EPC2: variants seen among roughly 807,000 people sequenced by gnomAD.
EPC2 encodes enhancer of polycomb 2, also known as enhancer of polycomb homolog 2.
In EPC2, 14 loss-of-function variants were observed where a neutral mutation model predicts 92.1. The ratio of observed to expected loss-of-function variants is 0.15; its 90% CI spans 0.10 to 0.24. The LOEUF is 0.24. Ranked by LOEUF, EPC2 falls within the 10% of genes least tolerant of loss-of-function variation. The pLI is 1.00. For synonymous variants in EPC2, 340 were observed against 334.7 expected, an observed-to-expected ratio of 1.02 and a Z score of -0.17; for missense variants, 755 against 971.5, an observed-to-expected ratio of 0.78 and a Z score of 2.96.
chr2:148,717,854 C>T (rs1265158331), intron 2 of EPC2, among the ~76,000 whole-genome samples: 2 of 152,114 alleles, frequency 1.3e-5, no homozygotes, highest in Non-Finnish European at 2.9e-5. Context: ...GTGTTAAAGT[C>T]TCCCACTATT....
At chr2:148,776,371 A>G (rs932809289) in intron 10 of EPC2, among the ~76,000 whole-genome samples, 11 of 152,188 alleles carry the variant, frequency 7.2e-5, no homozygotes, top group Admixed American at 4.6e-4. Context: ...AGAAGTTTAA[A>G]TGGATTTTTA....
At chr2:148,730,862 A>G (rs149021144) in intron 2 of EPC2, among the ~76,000 whole-genome samples, 1 of 152,356 alleles carries the variant, frequency 6.6e-6, no homozygotes, top group African/African-American at 2.4e-5. Context: ...CTTGTAAACT[A>G]TTCAACCCTG....
chr2:148,671,340 A>G (rs112423754), intron 1 of EPC2, among the ~76,000 whole-genome samples: 1 of 140,870 alleles, frequency 7.1e-6, no homozygotes, highest in East Asian at 2.1e-4. Flanking sequence ...TTGGCTGGGC[A>G]TGATGGCTCA....
intron 1 of EPC2, among the ~76,000 whole-genome samples, chr2:148,677,815 G>C (rs757208738): frequency 6.6e-6 from 1 of 152,084 alleles, no homozygotes; most frequent in Non-Finnish European, 1.5e-5. Flanking sequence ...CGCATCTGGA[G>C]TTGTTTGTTC....
In EPC2 at chr2:148,744,996, C is replaced by CG. The variant is rs1475573511; in HGVS notation, c.459+1229_459+1230insG. Among the ~76,000 whole-genome samples the CG allele has an allele frequency of 6.3e-4, 77 of 122,352 alleles. 8 individuals are homozygous for CG. The highest frequency in any genetic ancestry group is 1.8e-3 in the African/African-American group (67 of 36,802). The allele number at this position is 122,352 out of a possible 152,430, so 80.3% of individuals were successfully genotyped here. On this transcript the variant is annotated intron_variant, in intron 3 of 13. Coordinates refer to ENST00000258484, the MANE Select transcript of EPC2 (RefSeq NM_015630.4). ...TATTTAGCCTATCAGTTTGCCCCCC[C>CG]CCCCCGCACCATTTTGATGAAAAAT...
At chr2:148,698,905 C>T (rs905880369) in intron 2 of EPC2, among the ~76,000 whole-genome samples, 1 of 148,806 alleles carries the variant, frequency 6.7e-6, no homozygotes, top group African/African-American at 2.5e-5. Flanking sequence ...TTTTCACTGA[C>T]TGTCATAGAG....
intron 10 of EPC2, among the ~76,000 whole-genome samples, chr2:148,780,401 T>C (rs1162540800): frequency 6.6e-6 from 1 of 152,166 alleles, no homozygotes; most frequent in Non-Finnish European, 1.5e-5. Flanking sequence ...TATATCTAAT[T>C]TACCATAAAA....
intron 1 of EPC2, among the ~76,000 whole-genome samples, chr2:148,658,202 T>G (rs1328298015): frequency 2.0e-5 from 3 of 152,134 alleles, no homozygotes; most frequent in African/African-American, 7.2e-5. Flanking sequence ...GCCGGCAGCA[T>G]TGTAACTCAT....
At chr2:148,776,622 T>C (rs1024830317) in intron 10 of EPC2, among the ~76,000 whole-genome samples, 2 of 152,186 alleles carry the variant, frequency 1.3e-5, no homozygotes, top group African/African-American at 4.8e-5. Context: ...GAGGATTTGA[T>C]GTAAGATCCC....
At chr2:148,760,664 T>C (rs1683285692) in intron 4 of EPC2, among the ~76,000 whole-genome samples, 1 of 152,200 alleles carries the variant, frequency 6.6e-6, no homozygotes, top group Admixed American at 6.5e-5. Flanking sequence ...TTTTTTAAAA[T>C]TACACAAAAG....
chr2:148,645,243 C>G, intron 1 of EPC2, 73 bp downstream of exon 1: 3 of 1,338,364 alleles, frequency 2.2e-6, no homozygotes, highest in South Asian at 2.8e-5. Flanking sequence ...CCTCGCCATT[C>G]ACAGAGCGCT....
Position 148,690,311 on chromosome 2 carries a change from A to T in EPC2, c.251A>T (p.Asn84Ile). ...IPVPEAESNVNYYNRLYKGEF... is the reference protein window; with the variant it reads ...IPVPEAESNVIYYNRLYKGEF... ...GTTCCTGAGGCAGAGAGCAACGTCA[A>T]CTATTACAATCGCTTGTACAAAGGA... Residue 84 changes from asparagine (N) to isoleucine (I), a missense_variant, in exon 2 of 14, where the codon AAC (asparagine) becomes ATC (isoleucine). Physicochemically the swap from Asn to Ile is moderately radical, Grantham distance 149. This residue lies in a region of EPC2 where 509 missense variants were observed against 607.7 expected (regional missense o/e 0.84). Coordinates refer to ENST00000258484, the MANE Select transcript of EPC2 (RefSeq NM_015630.4). The T allele has an allele frequency of 6.2e-7, 1 of 1,612,812 alleles. No homozygotes were observed. The highest frequency in any genetic ancestry group is 2.2e-5 in the East Asian group (1 of 44,792).
chr2:148,701,837 A>T (rs1246645313), intron 2 of EPC2, among the ~76,000 whole-genome samples: 1 of 152,168 alleles, frequency 6.6e-6, no homozygotes, highest in Non-Finnish European at 1.5e-5. Flanking sequence ...GGTAGAATTT[A>T]TCAGTGAACT....
chr2:148,719,772 G>A (rs905414420), intron 2 of EPC2, among the ~76,000 whole-genome samples: 1 of 152,248 alleles, frequency 6.6e-6, no homozygotes, highest in Admixed American at 6.5e-5. Flanking sequence ...GCTGTGCTGT[G>A]TTGGTGATCC....
chr2:148,726,765 G>GTTTTTTTTTTTTTTTTTTTTTTTT (rs201293391), intron 2 of EPC2, among the ~76,000 whole-genome samples: 40 of 100,576 alleles, frequency 4.0e-4, no homozygotes, highest in East Asian at 9.3e-4. Flanking sequence ...TTTGTTTTTT[G>GTTTTTTTTTTTTTTTTTTTTTTTT]TTTTTTTTTT....
chr2:148,736,776 A>C (rs1682765675), intron 2 of EPC2, among the ~76,000 whole-genome samples: 1 of 151,984 alleles, frequency 6.6e-6, no homozygotes. Flanking sequence ...TAATAATACC[A>C]ACTCTTTCAC....
chr2:148,739,833 C>CTTTTTTTT (rs144868417), intron 2 of EPC2, among the ~76,000 whole-genome samples: 133 of 81,314 alleles, frequency 1.6e-3, no homozygotes, highest in African/African-American at 2.8e-3. Flanking sequence ...TCTTCTTCTT[C>CTTTTTTTT]TTTTTTTTTT....
At chr2:148,697,686 C>G (rs955351246) in intron 2 of EPC2, among the ~76,000 whole-genome samples, 1 of 152,134 alleles carries the variant, frequency 6.6e-6, no homozygotes, top group Non-Finnish European at 1.5e-5. Flanking sequence ...ACAAGCTGAT[C>G]CTTAAGTGCT....
intron 1 of EPC2, among the ~76,000 whole-genome samples, chr2:148,677,706 A>G (rs1338672216): frequency 6.6e-6 from 1 of 151,788 alleles, no homozygotes; most frequent in Non-Finnish European, 1.5e-5. Flanking sequence ...TGATGTTCAG[A>G]TGTGTTCGGA....
Sources: gnomAD v4.1 joint callset for allele counts (sites outside exome capture counted in the v4.1 genomes callset) on GRCh38, gnomAD v4.1.1 for gene constraint, gnomAD v4.1.1 regional missense constraint, MANE v1.5 for transcripts, NCBI Gene and HGNC (gene_info 2026-07-23, HGNC 2026-07-21) for gene names.